Variants in SPOCK1 observed in about 807,000 individuals in gnomAD.
SPOCK1 encodes testican-1.
In SPOCK1, 23 loss-of-function variants were observed where a neutral mutation model predicts 55.3. That is an observed-to-expected ratio of 0.42 (90% confidence interval 0.30 to 0.59). SPOCK1 has a LOEUF of 0.59. SPOCK1 is among the 20% of genes least tolerant of loss of function. SPOCK1 has a pLI of 0.22. For synonymous variants in SPOCK1, 226 were observed against 221.0 expected (o/e 1.02, Z -0.20); for missense variants, 499 against 552.5 (o/e 0.90, Z 0.97).
chr5:137,306,161 C>G (rs575440299), intron 2 of SPOCK1, among the ~76,000 whole-genome samples: 5 of 152,338 alleles, frequency 3.3e-5, no homozygotes, highest in African/African-American at 1.2e-4. Context: ...ACACGTCATA[C>G]AGTGCACAGC....
intron 2 of SPOCK1, among the ~76,000 whole-genome samples, chr5:137,323,900 C>A (rs985377815): frequency 6.6e-6 from 1 of 151,702 alleles, no homozygotes; most frequent in South Asian, 2.1e-4. Context: ...ACAGCCATTA[C>A]GGAAAACAGC....
chr5:137,477,803 G>A (rs1248517798), intron 2 of SPOCK1, among the ~76,000 whole-genome samples: 1 of 152,190 alleles, frequency 6.6e-6, no homozygotes. Context: ...GTAAAAAGCT[G>A]ACAAAAGCAG....
At chr5:137,098,419 C>A (rs1423780438) in intron 5 of SPOCK1, among the ~76,000 whole-genome samples, 1 of 152,166 alleles carries the variant, frequency 6.6e-6, no homozygotes, top group African/African-American at 2.4e-5. Context: ...GAGCTCAGGA[C>A]CAGTGGCCCA....
intron 6 of SPOCK1, among the ~76,000 whole-genome samples, chr5:137,016,663 C>T (rs59406134): frequency 0.091 from 13,819 of 152,156 alleles, 1,264 homozygotes; most frequent in East Asian, 0.42. Context: ...ATCACAGGGA[C>T]GGGGTATATT....
At chr5:137,132,742 T>C (rs1268530402) in intron 4 of SPOCK1, among the ~76,000 whole-genome samples, 1 of 152,224 alleles carries the variant, frequency 6.6e-6, no homozygotes, top group East Asian at 1.9e-4. Context: ...ATCCAGTGCT[T>C]TGGGGTCAAT....
At chr5:137,243,277 C>T (rs1025750871) in intron 3 of SPOCK1, among the ~76,000 whole-genome samples, 37 of 152,198 alleles carry the variant, frequency 2.4e-4, no homozygotes, top group Admixed American at 5.2e-4. Flanking sequence ...CCATAATCGG[C>T]GGCTATTTTT....
At chr5:137,134,992 G>T (rs1403800017) in intron 4 of SPOCK1, among the ~76,000 whole-genome samples, 1 of 152,202 alleles carries the variant, frequency 6.6e-6, no homozygotes, top group Non-Finnish European at 1.5e-5. Flanking sequence ...TGTTATTCCA[G>T]ATAGTTAAGA....
intron 2 of SPOCK1, among the ~76,000 whole-genome samples, chr5:137,286,504 G>A (rs947851970): frequency 6.6e-6 from 1 of 152,164 alleles, no homozygotes; most frequent in Admixed American, 6.5e-5. Flanking sequence ...CCCTGGAGCA[G>A]GTCTGCACTC....
chr5:137,071,346 A>G (rs771272038), intron 5 of SPOCK1, among the ~76,000 whole-genome samples: 1 of 152,172 alleles, frequency 6.6e-6, no homozygotes, highest in Non-Finnish European at 1.5e-5. Context: ...ATACAGATAC[A>G]TGTGGTAAAA....
intron 3 of SPOCK1, among the ~76,000 whole-genome samples, chr5:137,227,967 T>C (rs562600580): frequency 4.9e-4 from 74 of 152,358 alleles, no homozygotes; most frequent in African/African-American, 1.7e-3. Context: ...AGAAAAAGTA[T>C]AAATACCCTT....
intron 2 of SPOCK1, among the ~76,000 whole-genome samples, chr5:137,423,649 G>A (rs1007106747): frequency 2.6e-5 from 4 of 152,200 alleles, no homozygotes; most frequent in Admixed American, 6.5e-5. Context: ...GTATTAGAGT[G>A]GGAGTGACCC....
rs532388450 is a variant in SPOCK1, at chr5:137,175,833, T to C, written c.233-35139A>G. Among the ~76,000 whole-genome samples, 7 of 152,254 alleles carry C rather than the reference T, an allele frequency of 4.6e-5. No individual in the cohort carries two copies. In the East Asian group the frequency reaches 1.4e-3, roughly 29 times the overall value. On this transcript the variant is annotated intron_variant, in intron 3 of 10. Transcript: ENST00000394945. ...CTCCACCACCATCCATTTAGACCTG[T>C]GCATGTGGGTACACCTCAGCACATG...
chr5:137,065,757 A>G (rs1376769170), intron 6 of SPOCK1, among the ~76,000 whole-genome samples: 2 of 152,222 alleles, frequency 1.3e-5, no homozygotes, highest in African/African-American at 2.4e-5. Flanking sequence ...ACATTTTGAA[A>G]TGAAAGATTT....
chr5:137,268,743 A>G (rs961191386), intron 2 of SPOCK1, among the ~76,000 whole-genome samples: 8 of 152,172 alleles, frequency 5.3e-5, no homozygotes, highest in Admixed American at 1.3e-4. Context: ...TCAACCGTTC[A>G]TCCTTCCAAC....
chr5:137,311,665 A>G (rs576045155), intron 2 of SPOCK1, among the ~76,000 whole-genome samples: 1 of 152,358 alleles, frequency 6.6e-6, no homozygotes, highest in East Asian at 1.9e-4. Context: ...TTTGATAAAT[A>G]TCATGTATAC....
intron 2 of SPOCK1, among the ~76,000 whole-genome samples, chr5:137,338,359 T>C (rs1423344725): frequency 1.3e-5 from 2 of 152,168 alleles, no homozygotes; most frequent in East Asian, 1.9e-4. Flanking sequence ...CATCCTTTTT[T>C]ATGGCTGCAT....
chr5:137,103,631 A>G (rs552344629), intron 5 of SPOCK1, among the ~76,000 whole-genome samples: 17 of 152,366 alleles, frequency 1.1e-4, no homozygotes, highest in Admixed American at 9.2e-4. Context: ...TACAGGAGCA[A>G]GAGATAAAAT....
At chr5:137,277,127 G>A (rs1021062089) in intron 2 of SPOCK1, among the ~76,000 whole-genome samples, 17 of 152,004 alleles carry the variant, frequency 1.1e-4, no homozygotes, top group African/African-American at 3.9e-4. Flanking sequence ...TGATCCTCCT[G>A]CCTCATCCTC....
At chr5:137,045,051 C>T (rs2126994238) in intron 6 of SPOCK1, among the ~76,000 whole-genome samples, 1 of 141,732 alleles carries the variant, frequency 7.1e-6, no homozygotes, top group African/African-American at 2.7e-5. Context: ...CATTGTTGGA[C>T]ATTTGGGTTG....
Sources: gnomAD v4.1 joint callset for allele counts (sites outside exome capture counted in the v4.1 genomes callset) on GRCh38, gnomAD v4.1.1 for gene constraint, MANE v1.5 for transcripts, NCBI Gene and HGNC (gene_info 2026-07-23, HGNC 2026-07-21) for gene names.